Variants in LRRC9 observed in about 807,000 individuals in gnomAD.
LRRC9 encodes the protein leucine rich repeat containing 9, also known as leucine-rich repeat-containing protein 9.
In LRRC9, 122 loss-of-function variants were observed where a neutral mutation model predicts 63.2. That is an observed-to-expected ratio of 1.93 (90% CI 1.67 to 2.24). The LOEUF is 2.24. Ranked by LOEUF, LRRC9 falls within the 30% of genes most tolerant of loss-of-function variation. The pLI, the probability that LRRC9 is intolerant of heterozygous loss-of-function variation, is 0.00. For missense variants in LRRC9, 1,071 were observed against 627.7 expected (o/e 1.71, Z -7.55); for synonymous variants, 366 against 213.1 (o/e 1.72, Z -6.25).
At chr14:60,045,051 C>CT (rs200934262) in intron 29 of LRRC9, among the ~76,000 whole-genome samples, 3,535 of 118,842 alleles carry the variant, frequency 0.03, 166 homozygotes, top group African/African-American at 0.095. Context: ...CTTTCCTTGT[C>CT]TTTTTTTTTT....
In LRRC9 at chr14:59,927,483, G is replaced by A. The variant is rs1889306464; in HGVS notation, c.-33-428G>A. On this transcript the variant is annotated intron_variant, in intron 1 of 31. Transcript: ENST00000445360. This position sits in a 1 kb window ranked among gnomAD's most constrained non-coding sequence, Gnocchi z 4.4. ...TCTCTTTGCAGTCTAGGTATACTTA[G>A]AGAACTGTGTTCACGTTTAGACACC... Among the ~76,000 whole-genome samples, 1 of 151,992 alleles carries A rather than the reference G, an allele frequency of 6.6e-6. No homozygotes were observed. Among genetic ancestry groups the A allele is most frequent in the African/African-American group, 2.4e-5 (1 of 41,414 alleles).
intron 15 of LRRC9, among the ~76,000 whole-genome samples, chr14:59,978,684 T>A: frequency 6.6e-6 from 1 of 152,178 alleles, no homozygotes; most frequent in East Asian, 1.9e-4. Flanking sequence ...TCAACTATTC[T>A]CCTGTTGATA....
intron 8 of LRRC9, among the ~76,000 whole-genome samples, chr14:59,954,206 A>G (rs980451952): frequency 2.6e-5 from 4 of 152,148 alleles, no homozygotes; most frequent in South Asian, 2.1e-4. Context: ...AAGAAAGCCA[A>G]TGGTAGCTTG....
rs2140471894 is a variant in LRRC9 at position 60,060,824 on chromosome 14, A to G, written c.4277-2499A>G. ...GAAGACCTTCTGGAAAGGATTCACCATTCTAGACGCCATTAAAAACATTTG... is the reference window on the plus strand; with the variant it reads ...GAAGACCTTCTGGAAAGGATTCACCGTTCTAGACGCCATTAAAAACATTTG... On this transcript the variant is annotated intron_variant, in intron 31 of 31. Transcript: ENST00000445360. This position sits in a 1 kb window ranked among gnomAD's most constrained non-coding sequence, Gnocchi z 4.0. Among the ~76,000 whole-genome samples, 1 of 152,340 alleles carries G rather than the reference A, an allele frequency of 6.6e-6. No homozygotes were observed. Among genetic ancestry groups the G allele is most frequent in the East Asian group, 1.9e-4 (1 of 5,188 alleles).
chr14:59,964,880 C>T lies in LRRC9; in HGVS notation c.1212-1709C>T, dbSNP rs961538887. 9.9e-5 allele frequency among the ~76,000 whole-genome samples: 15 copies of T among 152,284 alleles called. 1 individual carries two copies. Among genetic ancestry groups the T allele is most frequent in the Admixed American group, 6.5e-4 (10 of 15,296 alleles). ...GGTTTAGGCAGCTCTCCTTTCAACT[C>T]TAAGGGAGAAGTAATTTATAAGATC... On this transcript the variant is annotated intron_variant, in intron 10 of 31. Transcript: ENST00000445360. The surrounding 1 kb of genome is among the most constrained non-coding windows in gnomAD (Gnocchi z 4.4).
chr14:59,995,068 G>A (rs986668247), intron 17 of LRRC9, among the ~76,000 whole-genome samples: 4 of 152,100 alleles, frequency 2.6e-5, no homozygotes, highest in Non-Finnish European at 5.9e-5. Context: ...GGCCTTGCCT[G>A]TGTATCAGTG....
intron 8 of LRRC9, among the ~76,000 whole-genome samples, chr14:59,946,546 T>C (rs1264979121): frequency 6.7e-6 from 1 of 150,038 alleles, no homozygotes; most frequent in East Asian, 1.9e-4. Flanking sequence ...AGGGTACATG[T>C]GCACATTGTG....
chr14:59,922,169 C>T lies in LRRC9; in HGVS notation c.-34+2286C>T, dbSNP rs1888842896. Among the ~76,000 whole-genome samples, 1 of 151,534 alleles carries T rather than the reference C, an allele frequency of 6.6e-6. No homozygotes were observed. Among genetic ancestry groups the T allele is most frequent in the Admixed American group, 6.6e-5 (1 of 15,200 alleles). On this transcript the variant is annotated intron_variant, in intron 1 of 31. Transcript: ENST00000445360. This position sits in a 1 kb window ranked among gnomAD's most constrained non-coding sequence, Gnocchi z 5.3. ...GTTTGAAATAACAAGTAGAGAGAAGCCAAGGAGAAAAGTTGAACCAAAGAA... is the reference window on the plus strand; with the variant it reads ...GTTTGAAATAACAAGTAGAGAGAAGTCAAGGAGAAAAGTTGAACCAAAGAA...
rs1566910213 is a variant in LRRC9 at position 60,051,458 on chromosome 14, G to T, written c.3991-1607G>T. Among the ~76,000 whole-genome samples the T allele has an allele frequency of 6.6e-6, 1 of 152,218 alleles. No individual in the cohort carries two copies. On this transcript the variant is annotated intron_variant, in intron 29 of 31. Coordinates refer to ENST00000445360, the Ensembl canonical transcript of LRRC9. This position sits in a 1 kb window ranked among gnomAD's most constrained non-coding sequence, Gnocchi z 4.7. ...GGCAGGCTGGAACGCTGACTTGACT[G>T]AACCACAGAAATGGCTGCCACCCTT...
chr14:60,032,865 G>A (rs991196391), intron 29 of LRRC9, among the ~76,000 whole-genome samples: 2 of 152,030 alleles, frequency 1.3e-5, no homozygotes, highest in Non-Finnish European at 2.9e-5. Context: ...TCCCCTAGTA[G>A]AGAGGAAGTG....
chr14:59,929,079 A>G (rs1230418951), intron 3 of LRRC9, among the ~76,000 whole-genome samples: 3 of 152,164 alleles, frequency 2.0e-5, no homozygotes, highest in Non-Finnish European at 2.9e-5. Context: ...AATGGGATCT[A>G]ATTAAACTAA....
chr14:59,944,769 C>T (rs1345230846), intron 8 of LRRC9, 25 bp downstream of exon 8: 1 of 635,314 alleles, frequency 1.6e-6, no homozygotes, highest in African/African-American at 1.9e-5. Flanking sequence ...TGTAAAATCC[C>T]AGTGGCCATA....
At chr14:59,920,994 T>C (rs1888724309) in intron 1 of LRRC9, among the ~76,000 whole-genome samples, 1 of 152,184 alleles carries the variant, frequency 6.6e-6, no homozygotes, top group African/African-American at 2.4e-5. Context: ...ACAAGTGCTA[T>C]ACAAAGAGTA....
chr14:60,031,892 G>T lies in LRRC9; in HGVS notation c.3922-103G>T. 1.6e-6 allele frequency: 1 copy of T among 624,440 alleles called. No homozygotes were observed. Among genetic ancestry groups the T allele is most frequent in the Non-Finnish European group, 2.9e-6 (1 of 350,048 alleles). 38.7% of individuals were successfully genotyped at this position (624,440 alleles called of 1,614,324 possible). On this transcript the variant is annotated intron_variant, in intron 28 of 31. Coordinates refer to ENST00000445360, the Ensembl canonical transcript of LRRC9. This position sits in a 1 kb window ranked among gnomAD's most constrained non-coding sequence, Gnocchi z 4.6. ...CTCACTTCAGAGAATTCAATCATGA[G>T]CTAGCTGCAAACTAACACTTACATA...
At chr14:59,970,203 G>GA (rs1464169747) in intron 12 of LRRC9, among the ~76,000 whole-genome samples, 1 of 148,988 alleles carries the variant, frequency 6.7e-6, no homozygotes, top group East Asian at 2.0e-4. Flanking sequence ...TTATTAGTGA[G>GA]AAAATGTAGT....
chr14:59,977,320 G>C (rs767991740), exon 14 of LRRC9: 2 of 697,288 alleles, frequency 2.9e-6, no homozygotes, highest in Non-Finnish European at 5.2e-6. Context: ...GGTTAATTCA[G>C]TGTTCATTCC....
chr14:59,948,337 G>A (rs1382819399), intron 8 of LRRC9, among the ~76,000 whole-genome samples: 2 of 144,582 alleles, frequency 1.4e-5, no homozygotes, highest in Admixed American at 7.0e-5. Context: ...AGGAATGCTT[G>A]TGATTTTTGT....
chr14:60,056,022 C>G (rs973873714), intron 30 of LRRC9, among the ~76,000 whole-genome samples: 1 of 152,112 alleles, frequency 6.6e-6, no homozygotes, highest in African/African-American at 2.4e-5. Flanking sequence ...GCTCATGGCT[C>G]TCATCCAGTA....
At chr14:59,946,566 T>A (rs933088337) in intron 8 of LRRC9, among the ~76,000 whole-genome samples, 1 of 149,454 alleles carries the variant, frequency 6.7e-6, no homozygotes. Context: ...GCAGGTTAGT[T>A]ACATATGTAT....
Sources: gnomAD v4.1 joint callset for allele counts (sites outside exome capture counted in the v4.1 genomes callset) on GRCh38, gnomAD v4.1.1 for gene constraint, Gnocchi (gnomAD v3.1) non-coding constraint, MANE v1.5 for transcripts, NCBI Gene and HGNC (gene_info 2026-07-23, HGNC 2026-07-21) for gene names.